The following PTCSC3 variants were observed in gnomAD, a reference collection of about 807,000 sequenced individuals.
The protein encoded by PTCSC3 is papillary thyroid carcinoma susceptibility candidate 3 (non-protein coding).
intron 3 of PTCSC3, among the ~76,000 whole-genome samples, chr14:36,151,991 T>C (rs1193493370): frequency 6.6e-6 from 1 of 152,240 alleles, no homozygotes; most frequent in Non-Finnish European, 1.5e-5. Context: ...GTAACTGCAA[T>C]GCTCTGATGG....
rs543776404 is a variant in PTCSC3 at position 36,169,528 on chromosome 14, T to C, written n.171+6770A>G. Among the ~76,000 whole-genome samples, 331 of 152,290 alleles carry C rather than the reference T, an allele frequency of 2.2e-3. 1 individual carries two copies. The highest frequency in any genetic ancestry group is 4.0e-3 in the Non-Finnish European group (272 of 68,010). ...ATAGCTTTTTGAAGTTTAGCAGTGT[T>C]TGCTCTCTTTCTCTAGTTGGTGATT... is the stretch of plus-strand genomic sequence containing the variant. On this transcript the variant is annotated intron_variant and non_coding_transcript_variant, in intron 1 of 3. Coordinates refer to ENST00000556013, the Ensembl canonical transcript of PTCSC3.
intron 1 of PTCSC3, among the ~76,000 whole-genome samples, chr14:36,174,632 A>T (rs1383964634): frequency 6.6e-6 from 1 of 151,954 alleles, no homozygotes; most frequent in African/African-American, 2.4e-5. Context: ...ACTTGTGTAG[A>T]CTTAGTGTTT....
At chr14:36,137,210 A>G (rs1881307692) in intron 3 of PTCSC3, among the ~76,000 whole-genome samples, 1 of 152,236 alleles carries the variant, frequency 6.6e-6, no homozygotes, top group Non-Finnish European at 1.5e-5. Flanking sequence ...GGTAGAGGCA[A>G]CAACAAGCAC....
intron 1 of PTCSC3, chr14:36,165,072 A>ATTT (rs1882058745): frequency 1.3e-5 from 2 of 152,392 alleles, no homozygotes; most frequent in Non-Finnish European, 2.9e-5. Context: ...GCAGTGGTCC[A>ATTT]TTGACTACTT....
intron 3 of PTCSC3, among the ~76,000 whole-genome samples, chr14:36,141,370 T>C (rs887271214): frequency 1.3e-5 from 2 of 152,140 alleles, no homozygotes; most frequent in African/African-American, 4.8e-5. Context: ...TGCCTGAACA[T>C]GAAATATCTT....
intron 3 of PTCSC3, among the ~76,000 whole-genome samples, chr14:36,136,931 T>C (rs937294536): frequency 4.6e-5 from 7 of 152,230 alleles, no homozygotes; most frequent in African/African-American, 1.4e-4. Flanking sequence ...CAGGCTTTAT[T>C]CTTGCTATTG....
At chr14:36,171,508 C>G (rs998548985) in intron 1 of PTCSC3, among the ~76,000 whole-genome samples, 3 of 152,096 alleles carry the variant, frequency 2.0e-5, no homozygotes, top group Non-Finnish European at 4.4e-5. Flanking sequence ...CTTCTCACTC[C>G]TTTCATTTGA....
chr14:36,161,611 G>A (rs1881957966), intron 2 of PTCSC3, among the ~76,000 whole-genome samples: 1 of 152,128 alleles, frequency 6.6e-6, no homozygotes, highest in African/African-American at 2.4e-5. Context: ...TCCCAGAGGG[G>A]CACCCGCCAG....
chr14:36,153,729 GATAA>G (rs1881771904), intron 3 of PTCSC3: 1 of 152,096 alleles, frequency 6.6e-6, no homozygotes, highest in Non-Finnish European at 1.5e-5. Flanking sequence ...AGTGGAAATG[GATAA>G]ATAAATCTTG....
At chr14:36,142,858 C>G (rs1377579378) in intron 3 of PTCSC3, among the ~76,000 whole-genome samples, 1 of 140,298 alleles carries the variant, frequency 7.1e-6, no homozygotes, top group African/African-American at 2.7e-5. Flanking sequence ...CTTCCTGTGT[C>G]CATGTGATTT....
intron 3 of PTCSC3, among the ~76,000 whole-genome samples, chr14:36,150,941 TA>T (rs35223802): frequency 2.6e-5 from 4 of 151,754 alleles, no homozygotes; most frequent in African/African-American, 4.8e-5. Context: ...GGTATTTTTT[TA>T]AAAAAACCTT....
At chr14:36,169,753 G>T (rs1452667130) in intron 1 of PTCSC3, among the ~76,000 whole-genome samples, 1 of 152,136 alleles carries the variant, frequency 6.6e-6, no homozygotes, top group Non-Finnish European at 1.5e-5. Context: ...AGAGCTCTAT[G>T]TCCATGGAAG....
intron 3 of PTCSC3, among the ~76,000 whole-genome samples, chr14:36,140,727 A>T (rs1016108429): frequency 2.6e-5 from 4 of 152,092 alleles, no homozygotes; most frequent in Non-Finnish European, 5.9e-5. Context: ...TTTTTAGAGC[A>T]GAAAATTTTA....
intron 1 of PTCSC3, among the ~76,000 whole-genome samples, chr14:36,171,175 C>T (rs1476142132): frequency 6.6e-6 from 1 of 152,076 alleles, no homozygotes; most frequent in East Asian, 1.9e-4. Context: ...TTAAGAATTT[C>T]CCATGTTTGC....
chr14:36,156,249 A>G (rs1201833077), intron 2 of PTCSC3, among the ~76,000 whole-genome samples: 2 of 152,138 alleles, frequency 1.3e-5, no homozygotes, highest in Admixed American at 1.3e-4. Context: ...GATTTTTATT[A>G]GTTTCAAAAG....
At chr14:36,174,189 T>C (rs145993528) in intron 1 of PTCSC3, among the ~76,000 whole-genome samples, 43 of 152,248 alleles carry the variant, frequency 2.8e-4, no homozygotes, top group African/African-American at 9.6e-4. Flanking sequence ...CCTCAAATTA[T>C]TTTCTTCTAC....
intron 1 of PTCSC3, among the ~76,000 whole-genome samples, chr14:36,171,199 C>A (rs1882186187): frequency 6.6e-6 from 1 of 152,154 alleles, no homozygotes; most frequent in African/African-American, 2.4e-5. Context: ...TTTATTATTT[C>A]TTTTTACCTT....
At chr14:36,158,991 T>C (rs1349245497) in intron 2 of PTCSC3, among the ~76,000 whole-genome samples, 1 of 152,066 alleles carries the variant, frequency 6.6e-6, no homozygotes, top group East Asian at 1.9e-4. Flanking sequence ...GGAGGGTATA[T>C]GTGTCCAGGA....
chr14:36,170,863 C>T (rs1183904), intron 1 of PTCSC3, among the ~76,000 whole-genome samples: 94,436 of 151,954 alleles, frequency 0.62, 29,979 homozygotes, highest in Non-Finnish European at 0.69. Flanking sequence ...ACAGCATCAG[C>T]ATTGCCAGTG....
Sources: allele counts gnomAD v4.1 joint callset (sites outside exome capture counted in the v4.1 genomes callset), GRCh38; gene constraint gnomAD v4.1.1; transcripts MANE v1.5; gene names NCBI Gene and HGNC (gene_info 2026-07-23, HGNC 2026-07-21).